Variants in AFP observed in about 807,000 individuals in gnomAD.
AFP encodes the protein alpha fetoprotein.
A neutral mutation model predicts 78.9 loss-of-function variants in AFP; 64 were observed. The observed-to-expected ratio is 0.81, with a 90% CI of 0.66 to 1.00. The LOEUF (loss-of-function observed/expected upper bound fraction) is 1.00. AFP is among the 50% of genes least tolerant of loss of function. The pLI is 0.00. For synonymous variants in AFP, 254 were observed against 243.8 expected, an observed-to-expected ratio of 1.04 and a Z score of -0.39; for missense variants, 689 against 703.8, an observed-to-expected ratio of 0.98 and a Z score of 0.24.
At chr4:73,439,315 A>G (rs1719598018) in intron 3 of AFP, among the ~76,000 whole-genome samples, 1 of 152,174 alleles carries the variant, frequency 6.6e-6, no homozygotes, top group African/African-American at 2.4e-5. Flanking sequence ...TGTACCTGGA[A>G]TATCATAGAA....
chr4:73,451,717 A>G (rs997320305), intron 11 of AFP, among the ~76,000 whole-genome samples: 1 of 152,234 alleles, frequency 6.6e-6, no homozygotes, highest in Non-Finnish European at 1.5e-5. Flanking sequence ...ACATTTGAGA[A>G]TACAAATTAT....
chr4:73,446,143 T>C (rs1042517422), intron 7 of AFP, among the ~76,000 whole-genome samples: 8 of 152,132 alleles, frequency 5.3e-5, no homozygotes, highest in Non-Finnish European at 7.4e-5. Context: ...AGAGTGACAG[T>C]CCCTGAGGAG....
At chr4:73,449,991 A>G in intron 9 of AFP, 45 bp from the exon 10 acceptor site, 21 of 1,345,448 alleles carry the variant, frequency 1.6e-5, no homozygotes, top group Non-Finnish European at 2.1e-5. Context: ...AAAGTTATGC[A>G]TCCAAGAAAA....
intron 6 of AFP, 150 bp from the exon 7 acceptor site, chr4:73,444,843 G>A (rs907076818): frequency 5.9e-6 from 4 of 682,562 alleles, no homozygotes; most frequent in Non-Finnish European, 9.3e-6. Context: ...CTGGAATCAA[G>A]CCTTAAAACA....
In AFP at chr4:73,443,382, C is replaced by A. The variant is rs1719727764; in HGVS notation, c.651C>A (p.Ser217Arg). The part of the protein sequence containing the change: ...ATVTKELRES[S>R]LLNQHACAVM... ...TTACAAAAGAATTAAGAGAAAGCAG[C>A]TTGTTAAATCAACATGCATGTGCAG... Residue 217 changes from serine (S) to arginine (R), a missense_variant, in exon 6 of 15, where the codon AGC becomes AGA. Transcript: ENST00000395792. The A allele has an allele frequency of 6.2e-7, 1 of 1,613,616 alleles. No individual in the cohort carries two copies. Among genetic ancestry groups the A allele is most frequent in the Admixed American group, 1.7e-5 (1 of 59,996 alleles).
intron 8 of AFP, among the ~76,000 whole-genome samples, chr4:73,448,518 G>A (rs890848334): frequency 6.6e-6 from 1 of 152,224 alleles, no homozygotes; most frequent in South Asian, 2.1e-4. Flanking sequence ...CACATTGTTT[G>A]CACTGCTAAA....
intron 12 of AFP, 134 bp from the exon 13 acceptor site, chr4:73,453,631 G>T (rs1222749616): frequency 5.3e-6 from 5 of 952,186 alleles, no homozygotes; most frequent in Non-Finnish European, 3.2e-6. Flanking sequence ...ACTAGACAAG[G>T]TGTGTGTGGT....
In AFP at chr4:73,447,581, A is replaced by C; in HGVS notation, c.963A>C (p.Glu321Asp). The change falls in exon 8 of 15, where the codon GAA becomes GAC. Residue 321 changes from glutamate to aspartate, a missense_variant. Glu to Asp is a conservative substitution (Grantham distance 45). Transcript: ENST00000395792. ...GTATAATTCATGCAGAAAATGATGAAAAACCTGAAGGTCTATCTCCAAATC... is the reference window on the plus strand; with the variant it reads ...GTATAATTCATGCAGAAAATGATGACAAACCTGAAGGTCTATCTCCAAATC... ...GQCIIHAEND[E>D]KPEGLSPNLN... 1 of 1,612,638 alleles carries C rather than the reference A, an allele frequency of 6.2e-7. No homozygotes were observed. The highest frequency in any genetic ancestry group is 8.5e-7 in the Non-Finnish European group (1 of 1,179,754).
chr4:73,445,244 T>C, intron 7 of AFP, 122 bp downstream of exon 7: 2 of 1,205,738 alleles, frequency 1.7e-6, no homozygotes, highest in East Asian at 2.5e-5. Flanking sequence ...ACTAGGTGAC[T>C]CCTTAAATTT....
intron 3 of AFP, among the ~76,000 whole-genome samples, chr4:73,440,307 G>A (rs948262653): frequency 1.3e-5 from 2 of 151,996 alleles, no homozygotes; most frequent in Non-Finnish European, 2.9e-5. Context: ...ATATATCCTA[G>A]TCCAAATTTT....
rs1322572605 is a variant in AFP at position 73,442,188 on chromosome 4, G to A, written c.483-108G>A. The A allele has an allele frequency of 1.0e-5, 11 of 1,096,980 alleles. No homozygotes were observed. The African/African-American group carries it at 1.1e-4, about 11-fold the overall frequency. 68.0% of individuals were successfully genotyped at this position (1,096,980 alleles called of 1,614,324 possible). ...GTAAAGACAAAGTCAAATGCATTTT[G>A]TTGTTGTTGTTTTTGAATCTTTAAA... On this transcript the variant is annotated intron_variant, in intron 4 of 14. Transcript: ENST00000395792.
In AFP at chr4:73,445,140, T is replaced by C; in HGVS notation, c.843+18T>C. On this transcript the variant is annotated intron_variant, in intron 7 of 14. Coordinates refer to ENST00000395792, the MANE Select transcript of AFP (RefSeq NM_001134.3). ...AGGATGGGGTGAAGAGTCTTGCTTCTTAAAATAGAAGATTTTCACTCCCTT... is the reference window on the plus strand; with the variant it reads ...AGGATGGGGTGAAGAGTCTTGCTTCCTAAAATAGAAGATTTTCACTCCCTT... 6.2e-7 allele frequency: 1 copy of C among 1,613,384 alleles called. No individual in the cohort carries two copies. The highest frequency in any genetic ancestry group is 8.5e-7 in the Non-Finnish European group (1 of 1,179,484).
chr4:73,453,704 T>C, intron 12 of AFP, 61 bp from the exon 13 acceptor site: 1 of 1,587,856 alleles, frequency 6.3e-7, no homozygotes, highest in Non-Finnish European at 8.6e-7. Flanking sequence ...CTAGGAAGGC[T>C]GTAGAAAAAT....
At chr4:73,447,360 C>A in intron 7 of AFP, 102 bp from the exon 8 acceptor site, 2 of 772,308 alleles carry the variant, frequency 2.6e-6, no homozygotes, top group South Asian at 2.4e-5. Context: ...TCTTTGTTCC[C>A]TTCTCCCTCC....
At chr4:73,437,069 C>A in intron 1 of AFP, 91 bp from the exon 2 acceptor site, 2 of 991,902 alleles carry the variant, frequency 2.0e-6, no homozygotes, top group South Asian at 2.7e-5. Context: ...CTGTACAGTT[C>A]TAACTGAAAC....
In AFP at chr4:73,447,472, T is replaced by C. The variant is rs758117253; in HGVS notation, c.854T>C (p.Met285Thr). 2 of 1,605,794 alleles carry C rather than the reference T, an allele frequency of 1.2e-6. No individual in the cohort carries two copies. Among genetic ancestry groups the C allele is most frequent in the Non-Finnish European group, 1.7e-6 (2 of 1,176,062 alleles). Reference protein sequence around the residue: ...LDCLQDGEKIMSYICSQQDTL... With the variant: ...LDCLQDGEKITSYICSQQDTL... Reference sequence around the variant, plus strand: ...TTTTCTCTGTTGCAGGAAAAAATCATGTCCTACATATGTTCTCAACAAGAC... The same window carrying C: ...TTTTCTCTGTTGCAGGAAAAAATCACGTCCTACATATGTTCTCAACAAGAC... Residue 285 changes from methionine to threonine, a missense_variant, in exon 8 of 15, where the codon ATG (methionine) becomes ACG (threonine). Coordinates refer to ENST00000395792, the MANE Select transcript of AFP (RefSeq NM_001134.3).
In AFP at chr4:73,455,813, C is replaced by G; in HGVS notation, c.*193C>G. 1 of 603,108 alleles carries G rather than the reference C, an allele frequency of 1.7e-6. No individual in the cohort carries two copies. Among genetic ancestry groups the G allele is most frequent in the South Asian group, 2.0e-5 (1 of 50,014 alleles). The allele number at this position is 603,108 out of a possible 1,614,324, so 37.4% of individuals were successfully genotyped here. ...AGTTTGCTTATTTATGAAAAGTTAT[C>G]GATAATTTCTTTAGTTTTGTATACC... On this transcript the variant is annotated 3_prime_UTR_variant, in exon 15 of 15. Coordinates refer to ENST00000395792, the MANE Select transcript of AFP (RefSeq NM_001134.3).
intron 7 of AFP, among the ~76,000 whole-genome samples, chr4:73,445,909 C>T: frequency 6.6e-6 from 1 of 152,172 alleles, no homozygotes; most frequent in East Asian, 1.9e-4. Flanking sequence ...TGTTGACCCT[C>T]AGATTACTCT....
At chr4:73,443,311 T>G (rs1176694321) in intron 5 of AFP, 36 bp from the exon 6 acceptor site, 1 of 1,471,630 alleles carries the variant, frequency 6.8e-7, no homozygotes, top group Admixed American at 1.7e-5. Flanking sequence ...AATGTTAGTA[T>G]ATGCTTTCAT....
Sources: gnomAD v4.1 joint callset for allele counts (sites outside exome capture counted in the v4.1 genomes callset) on GRCh38, gnomAD v4.1.1 for gene constraint, MANE v1.5 for transcripts, NCBI Gene and HGNC (gene_info 2026-07-23, HGNC 2026-07-21) for gene names.